ARHGAP4: variants seen among roughly 807,000 people sequenced by gnomAD.
ARHGAP4 encodes Rho GTPase activating protein 4.
Under a neutral mutation model 67.6 loss-of-function variants are expected in ARHGAP4, and 25 were observed. That is an observed-to-expected ratio of 0.37 (90% CI 0.27 to 0.52). The LOEUF is 0.52. Ranked by LOEUF, ARHGAP4 falls within the 20% of genes least tolerant of loss-of-function variation. The pLI, the probability that ARHGAP4 is intolerant of heterozygous loss-of-function variation, is 0.92. For synonymous variants in ARHGAP4, 448 were observed against 373.7 expected, an observed-to-expected ratio of 1.20 and a Z score of -2.29; for missense variants, 804 against 854.6, an observed-to-expected ratio of 0.94 and a Z score of 0.74.
rs1557106281 is a variant in ARHGAP4 at position 153,926,259 on chromosome X, C to T, written c.-57G>A. The T allele has an allele frequency of 1.1e-4, 109 of 1,004,078 alleles. 1 individual carries two copies. The South Asian group carries it at 2.9e-3, about 27-fold the overall frequency. The allele number at this position is 1,004,078 out of a possible 1,213,427, so 82.7% of individuals were successfully genotyped here. On this transcript the variant is annotated 5_prime_UTR_variant, in exon 1 of 22. Transcript: ENST00000350060. ...CTGCTCCCACGCGGCCGTGAGCGGGCCCGGCGCCGGGACTTGGGGGCGCTG... is the reference window on the plus strand; with the variant it reads ...CTGCTCCCACGCGGCCGTGAGCGGGTCCGGCGCCGGGACTTGGGGGCGCTG...
At position 153,921,647 on chromosome X, in the gene ARHGAP4, CG is replaced by C; in HGVS notation, c.229del (p.Arg77ValfsTer44). The C allele has an allele frequency of 8.3e-7, 1 of 1,209,883 alleles. No individual in the cohort carries two copies. Among genetic ancestry groups the C allele is most frequent in the Non-Finnish European group, 1.1e-6 (1 of 894,923 alleles). On this transcript the variant is annotated frameshift_variant, in exon 2 of 22. Coordinates refer to ENST00000350060, the MANE Select transcript of ARHGAP4 (RefSeq NM_001666.5). LOFTEE classifies it high-confidence loss of function. ...LEKLAERFSS[R>X]GGRLGSSREH... ...CCGGCTGCTCCCCAGGCGGCCTCCA[CG>C]GCTGGAGAAGCGCTCGGCCAGCTTT...
chrX:153,909,229 G>C, intron 20 of ARHGAP4, 60 bp from the exon 21 acceptor site: 2 of 1,062,346 alleles, frequency 1.9e-6, no homozygotes, highest in Non-Finnish European at 2.5e-6. Flanking sequence ...TAGCTGGGCA[G>C]TGGCTCCTCC....
At chrX:153,920,387 T>G in intron 5 of ARHGAP4, 2 of 405,026 alleles carry the variant, frequency 4.9e-6, no homozygotes. Context: ...ACAGCAGAGC[T>G]GCAGGGGCCC....
chrX:153,920,074 C>T (rs2065082680), intron 5 of ARHGAP4, among the ~76,000 whole-genome samples: 3 of 112,038 alleles, frequency 2.7e-5, no homozygotes, highest in East Asian at 2.8e-4. Flanking sequence ...CGTGAGTCAC[C>T]GCACCTGGCT....
At chrX:153,925,787 T>C (rs7881265) in intron 1 of ARHGAP4, among the ~76,000 whole-genome samples, 4,291 of 112,638 alleles carry the variant, frequency 0.038, 214 homozygotes, top group African/African-American at 0.13. Context: ...GCTGGTTGAC[T>C]TCACTGTAGC....
chrX:153,909,694 A>G, intron 19 of ARHGAP4, 47 bp downstream of exon 19: 1 of 1,139,283 alleles, frequency 8.8e-7, no homozygotes, highest in Non-Finnish European at 1.2e-6. Context: ...GGGTGGATGA[A>G]GGGGAGACTC....
rs1557105449 is a variant in ARHGAP4 at position 153,921,819 on chromosome X, G to A, written c.68-10C>T. ...AGCTGCCAGCGCATCTCTGTGGGGG[G>A]AACCATGGCTCAGGCCTGGTCAGCA... On this transcript the variant is annotated splice_polypyrimidine_tract_variant and intron_variant, in intron 1 of 21. Coordinates refer to ENST00000350060, the MANE Select transcript of ARHGAP4 (RefSeq NM_001666.5). 4 of 1,178,030 alleles carry A rather than the reference G, an allele frequency of 3.4e-6. No homozygotes were observed. The highest frequency in any genetic ancestry group is 4.5e-6 in the Non-Finnish European group (4 of 881,192).
rs1195869008 is a variant in ARHGAP4 at position 153,919,069 on chromosome X, G to A, written c.811-16C>T. 8 of 1,208,127 alleles carry A rather than the reference G, an allele frequency of 6.6e-6. No homozygotes were observed. Among genetic ancestry groups the A allele is most frequent in the Middle Eastern group, 2.3e-4 (1 of 4,370 alleles). ...TGTCACAGCACTGAGGAGGAAACAAGGAGATGCTTGGGTAGGTCCTGGAGC... is the reference window on the plus strand; with the variant it reads ...TGTCACAGCACTGAGGAGGAAACAAAGAGATGCTTGGGTAGGTCCTGGAGC... On this transcript the variant is annotated splice_polypyrimidine_tract_variant and intron_variant, in intron 6 of 21. Transcript: ENST00000350060.
Position 153,913,982 on chromosome X carries a change from C to T in ARHGAP4, c.1033-103G>A, listed in dbSNP as rs782495569. On this transcript the variant is annotated intron_variant, in intron 7 of 21. Transcript: ENST00000350060. ...CAAGCACCCTTTTGTGGCCTGGCGGCCGGGCACAGGACCACCAGCCCAGAC... is the reference window on the plus strand; with the variant it reads ...CAAGCACCCTTTTGTGGCCTGGCGGTCGGGCACAGGACCACCAGCCCAGAC... 5 of 721,668 alleles carry T rather than the reference C, an allele frequency of 6.9e-6. No homozygotes were observed. In the Admixed American group the frequency reaches 1.1e-4, roughly 16 times the overall value. 59.5% of individuals were successfully genotyped at this position (721,668 alleles called of 1,213,427 possible). A position where few individuals can be genotyped will look rare whatever the true frequency, so the allele number is the denominator to read the frequency against.
At chrX:153,926,012 C>A in intron 1 of ARHGAP4, 124 bp downstream of exon 1, 1 of 1,000,172 alleles carries the variant, frequency 1.0e-6, no homozygotes, top group Non-Finnish European at 1.3e-6. Context: ...CCCTCCTCCA[C>A]CCCCGCTCCA....
At chrX:153,909,695 G>C in intron 19 of ARHGAP4, 46 bp downstream of exon 19, 1 of 1,143,757 alleles carries the variant, frequency 8.7e-7, no homozygotes, top group Non-Finnish European at 1.2e-6. Context: ...GGTGGATGAA[G>C]GGGAGACTCC....
intron 18 of ARHGAP4, 32 bp from the exon 19 acceptor site, chrX:153,909,956 G>C (rs1042632178): frequency 8.3e-6 from 10 of 1,209,276 alleles, no homozygotes; most frequent in South Asian, 1.8e-5. Flanking sequence ...AGCTGTGGGA[G>C]GGGGTGTGGA....
chrX:153,915,627 T>C (rs998013966), intron 7 of ARHGAP4, among the ~76,000 whole-genome samples: 1 of 111,573 alleles, frequency 9.0e-6, no homozygotes, highest in African/African-American at 3.3e-5. Flanking sequence ...GTTTTTAAAG[T>C]ACAAATCTTA....
At chrX:153,913,963 C>T in intron 7 of ARHGAP4, 84 bp from the exon 8 acceptor site, 1 of 908,511 alleles carries the variant, frequency 1.1e-6, no homozygotes, top group Non-Finnish European at 1.6e-6. Flanking sequence ...GAAGCAAGCA[C>T]CCTTTTGTGG....
At chrX:153,919,709 A>G (rs1557104864) in intron 5 of ARHGAP4, 1 of 1,138,869 alleles carries the variant, frequency 8.8e-7, no homozygotes, top group South Asian at 2.1e-5. Flanking sequence ...GAGTACCCCA[A>G]AGGGTAGGGA....
chrX:153,913,010 C>G lies in ARHGAP4; in HGVS notation c.1439+14G>C. 1 of 1,170,199 alleles carries G rather than the reference C, an allele frequency of 8.5e-7. No individual in the cohort carries two copies. Among genetic ancestry groups the G allele is most frequent in the Non-Finnish European group, 1.1e-6 (1 of 874,426 alleles). ...CGGACCGTCGCAGGGCCCCAGCCCTCAGGGAGGACTCACCAAGACACCTCC... is the reference window on the plus strand; with the variant it reads ...CGGACCGTCGCAGGGCCCCAGCCCTGAGGGAGGACTCACCAAGACACCTCC... On this transcript the variant is annotated intron_variant, in intron 11 of 21. Transcript: ENST00000350060.
intron 7 of ARHGAP4, among the ~76,000 whole-genome samples, chrX:153,914,491 T>C (rs2065041806): frequency 9.0e-6 from 1 of 110,534 alleles, no homozygotes; most frequent in Admixed American, 9.6e-5. Context: ...AACTCAGGAG[T>C]TGGAGACCAG....
intron 18 of ARHGAP4, 44 bp from the exon 19 acceptor site, chrX:153,909,968 A>G (rs1557102507): frequency 5.0e-6 from 6 of 1,206,910 alleles, no homozygotes; most frequent in Non-Finnish European, 1.1e-6. Context: ...GGGTGTGGAC[A>G]CTAGGGTGGG....
In ARHGAP4 at chrX:153,910,268, G is replaced by C. The variant is rs1218358220; in HGVS notation, c.2059C>G (p.Leu687Val). The change falls in exon 17 of 22, where the codon CTC (leucine) becomes GTC (valine). Residue 687 changes from leucine to valine, a missense_variant. Physicochemically the swap from Leu to Val is conservative, Grantham distance 32. This residue lies in a region of ARHGAP4 where 400 missense variants were observed against 348.7 expected (regional missense o/e 1.15). Coordinates refer to ENST00000350060, the MANE Select transcript of ARHGAP4 (RefSeq NM_001666.5). ...QGRVNQLVQTLIVQPDRVFPP... is the reference protein window; with the variant it reads ...QGRVNQLVQTVIVQPDRVFPP... ...AAGACCCGATCGGGCTGCACTATGA[G>C]CGTCTGCACCAGCTGGTTCACCCGG... 2.5e-6 allele frequency: 3 copies of C among 1,209,169 alleles called. No individual in the cohort carries two copies. In the African/African-American group the frequency reaches 5.2e-5, roughly 21 times the overall value.
Sources: gnomAD v4.1 joint callset for allele counts (sites outside exome capture counted in the v4.1 genomes callset) on GRCh38, gnomAD v4.1.1 for gene constraint, gnomAD v4.1.1 regional missense constraint, MANE v1.5 for transcripts, NCBI Gene and HGNC (gene_info 2026-07-23, HGNC 2026-07-21) for gene names.